PCDH11Y: variants seen among roughly 807,000 people sequenced by gnomAD.
The protein encoded by PCDH11Y is protocadherin-11 Y-linked.
For missense variants in PCDH11Y, 12 were observed against 224.8 expected (o/e 0.05, Z 6.05); for synonymous variants, 9 against 83.6 (o/e 0.11, Z 4.87).
intron 2 of PCDH11Y, among the ~76,000 whole-genome samples, chrY:5,188,459 A>C: frequency 3.2e-5 from 1 of 31,668 alleles, no homozygotes; most frequent in African/African-American, 1.2e-4. Context: ...GCCTCAGGAA[A>C]CTTACAATCA....
chrY:5,725,103 C>T, intron 4 of PCDH11Y, among the ~76,000 whole-genome samples: 1 of 31,874 alleles, frequency 3.1e-5, no homozygotes, highest in Non-Finnish European at 7.6e-5. Context: ...GGAGAAACCT[C>T]GTCTCTACTA....
intron 2 of PCDH11Y, among the ~76,000 whole-genome samples, chrY:5,151,203 A>G: frequency 9.0e-5 from 3 of 33,353 alleles, no homozygotes; most frequent in African/African-American, 3.5e-4. Flanking sequence ...TGCATCTTTG[A>G]TATCTATTGT....
chrY:5,043,777 C>T, intron 3 of PCDH11Y, among the ~76,000 whole-genome samples: 1 of 32,757 alleles, frequency 3.1e-5, no homozygotes, highest in Non-Finnish European at 7.6e-5. Context: ...TGATTATTGC[C>T]ACAATTTCAG....
intron 3 of PCDH11Y, among the ~76,000 whole-genome samples, chrY:5,535,891 G>A: frequency 3.1e-5 from 1 of 32,229 alleles, no homozygotes. Flanking sequence ...CCACGCCAAC[G>A]TCTATTTTTT....
intron 2 of PCDH11Y, among the ~76,000 whole-genome samples, chrY:5,334,973 C>T (rs2053134950): frequency 3.3e-5 from 1 of 30,069 alleles, no homozygotes; most frequent in Non-Finnish European, 8.0e-5. Context: ...GACAGGTCTA[C>T]GCCTTTCTCC....
At chrY:5,449,320 C>T (rs2053290842) in intron 2 of PCDH11Y, among the ~76,000 whole-genome samples, 1 of 33,149 alleles carries the variant, frequency 3.0e-5, no homozygotes. Flanking sequence ...TGCATGGAAC[C>T]ACCTTGAATC....
chrY:5,117,535 G>T (rs2052812278), intron 2 of PCDH11Y, among the ~76,000 whole-genome samples: 1 of 32,783 alleles, frequency 3.1e-5, no homozygotes, highest in African/African-American at 1.2e-4. Flanking sequence ...AAAAGAGAAA[G>T]AGGTGGTAGG....
chrY:5,623,536 A>T, intron 4 of PCDH11Y, among the ~76,000 whole-genome samples: 1 of 31,491 alleles, frequency 3.2e-5, no homozygotes, highest in African/African-American at 1.2e-4. Flanking sequence ...AAGTGAGAAC[A>T]TGTGGTATTT....
chrY:5,243,349 G>C, intron 2 of PCDH11Y, among the ~76,000 whole-genome samples: 2 of 32,838 alleles, frequency 6.1e-5, no homozygotes, highest in Non-Finnish European at 1.5e-4. Context: ...AAATGAAAAA[G>C]AACAGTCTCA....
chrY:5,266,707 C>T (rs2053026847), intron 2 of PCDH11Y, among the ~76,000 whole-genome samples: 1 of 31,268 alleles, frequency 3.2e-5, no homozygotes, highest in Non-Finnish European at 7.7e-5. Flanking sequence ...TGAATATTTC[C>T]CATGCAATCC....
chrY:5,653,718 A>G (rs1303166521), intron 4 of PCDH11Y, among the ~76,000 whole-genome samples: 2,818 of 32,715 alleles, frequency 0.086, no homozygotes, highest in East Asian at 0.059. Flanking sequence ...AACTTCCCCA[A>G]CCTAGCAAGG....
At chrY:5,283,008 T>C in intron 2 of PCDH11Y, among the ~76,000 whole-genome samples, 1 of 33,490 alleles carries the variant, frequency 3.0e-5, no homozygotes, top group Non-Finnish European at 7.5e-5. Context: ...AAAAAACCGA[T>C]TTTTGGACTA....
intron 1 of PCDH11Y, among the ~76,000 whole-genome samples, chrY:5,065,699 GT>G (rs2052685379): frequency 9.4e-5 from 3 of 31,988 alleles, no homozygotes; most frequent in African/African-American, 2.4e-4. Flanking sequence ...ACCTAGTTCA[GT>G]TTTTGTTTTG....
chrY:5,347,563 A>C, intron 2 of PCDH11Y, among the ~76,000 whole-genome samples: 1 of 33,506 alleles, frequency 3.0e-5, no homozygotes, highest in Non-Finnish European at 7.4e-5. Context: ...AACTACGGCA[A>C]CTATGGTTTC....
intron 2 of PCDH11Y, among the ~76,000 whole-genome samples, chrY:5,235,190 A>T (rs2052973540): frequency 3.1e-5 from 1 of 31,852 alleles, no homozygotes; most frequent in African/African-American, 1.2e-4. Flanking sequence ...TATAAGATGG[A>T]TATGCATAGA....
chrY:5,617,929 A>G, intron 4 of PCDH11Y, among the ~76,000 whole-genome samples: 1 of 31,615 alleles, frequency 3.2e-5, no homozygotes. Flanking sequence ...CTTCTACAAT[A>G]TGTAGCACTT....
chrY:5,599,798 G>C, intron 4 of PCDH11Y, among the ~76,000 whole-genome samples: 1 of 32,659 alleles, frequency 3.1e-5, no homozygotes, highest in African/African-American at 1.2e-4. Context: ...GAGCTATTTT[G>C]CTTGCCAAAT....
chrY:5,485,747 A>G, intron 2 of PCDH11Y, among the ~76,000 whole-genome samples: 1 of 31,180 alleles, frequency 3.2e-5, no homozygotes, highest in Non-Finnish European at 7.7e-5. Context: ...GAAATGAATC[A>G]TGGAACTTTA....
At chrY:5,151,823 A>G (rs2563063) in intron 2 of PCDH11Y, among the ~76,000 whole-genome samples, 3 of 32,668 alleles carry the variant, frequency 9.2e-5, no homozygotes, top group Admixed American at 2.8e-4. Context: ...GAAGATTATC[A>G]TTTAGTCATA....
Sources: allele counts gnomAD v4.1 joint callset (sites outside exome capture counted in the v4.1 genomes callset), GRCh38; gene constraint gnomAD v4.1.1; transcripts MANE v1.5; gene names NCBI Gene and HGNC (gene_info 2026-07-23, HGNC 2026-07-21).